The following ABCA1 variants were observed in gnomAD, a reference collection of about 807,000 sequenced individuals.
ABCA1 encodes the protein ATP binding cassette subfamily A member 1.
Under a neutral mutation model 262.5 loss-of-function variants are expected in ABCA1, and 133 were observed. The ratio of observed to expected loss-of-function variants is 0.51; its 90% CI spans 0.44 to 0.59. The LOEUF is 0.59. Ranked by LOEUF, ABCA1 falls within the 20% of genes least tolerant of loss-of-function variation. The pLI is 0.00. For missense variants in ABCA1, 2,452 were observed against 2,777.5 expected (o/e 0.88, Z 2.63); for synonymous variants, 1,022 against 1,043.5 (o/e 0.98, Z 0.40).
At chr9:104,870,439 G>C (rs547285628) in intron 5 of ABCA1, among the ~76,000 whole-genome samples, 1 of 152,214 alleles carries the variant, frequency 6.6e-6, no homozygotes, top group African/African-American at 2.4e-5. Flanking sequence ...GTCAGCACTG[G>C]AATCAGGGGT....
chr9:104,857,843 C>G (rs2253182), intron 7 of ABCA1, among the ~76,000 whole-genome samples: 63,648 of 151,882 alleles, frequency 0.42, 16,411 homozygotes, highest in African/African-American at 0.74. Context: ...TTTGGGGTAG[C>G]GAGAGGAATT....
intron 1 of ABCA1, among the ~76,000 whole-genome samples, chr9:104,918,179 G>A (rs1024064229): frequency 6.6e-6 from 1 of 152,080 alleles, no homozygotes; most frequent in African/African-American, 2.4e-5. Flanking sequence ...AATATGAGCA[G>A]AAGATCAAGT....
In ABCA1 at chr9:104,806,414, C is replaced by T; in HGVS notation, c.4291G>A (p.Ala1431Thr). The T allele has an allele frequency of 6.2e-7, 1 of 1,614,136 alleles. No individual in the cohort carries two copies. The highest frequency in any genetic ancestry group is 1.7e-5 in the Admixed American group (1 of 60,026). Residue 1431 changes from alanine to threonine, a missense_variant, in exon 31 of 50, where the codon GCA becomes ACA. Physicochemically the swap from Ala to Thr is moderately conservative, Grantham distance 58 (BLOSUM62 0). Coordinates refer to ENST00000374736, the MANE Select transcript of ABCA1 (RefSeq NM_005502.4). ...GCAGTGGTCCACTCTTCCTCCCCTG[C>T]CTGGCAGGGCGTGTCTCTGCAAAGG... Reference protein sequence around the residue: ...GNPIPDTPCQAGEEEWTTAPV... With the variant: ...GNPIPDTPCQTGEEEWTTAPV...
chr9:104,797,895 T>C (rs1406348170), intron 37 of ABCA1, among the ~76,000 whole-genome samples: 1 of 152,228 alleles, frequency 6.6e-6, no homozygotes, highest in Non-Finnish European at 1.5e-5. Context: ...TATTGTAAAG[T>C]AGAGTTGAAA....
At chr9:104,861,076 C>G (rs1052516514) in intron 6 of ABCA1, among the ~76,000 whole-genome samples, 1 of 152,176 alleles carries the variant, frequency 6.6e-6, no homozygotes, top group African/African-American at 2.4e-5. Flanking sequence ...TCCATCCCAC[C>G]TGAGCTTTGT....
intron 25 of ABCA1, among the ~76,000 whole-genome samples, chr9:104,815,303 C>T (rs1831644134): frequency 6.6e-6 from 1 of 152,226 alleles, no homozygotes; most frequent in Admixed American, 6.5e-5. Flanking sequence ...AAGGCCTCAC[C>T]TCCAGAAATT....
chr9:104,909,414 G>A (rs1379036420), intron 1 of ABCA1, among the ~76,000 whole-genome samples: 1 of 152,174 alleles, frequency 6.6e-6, no homozygotes, highest in Non-Finnish European at 1.5e-5. Flanking sequence ...AGGGGACAGA[G>A]AGTAACGGGG....
chr9:104,787,481 C>T (rs1055838542), intron 46 of ABCA1, among the ~76,000 whole-genome samples: 1 of 152,094 alleles, frequency 6.6e-6, no homozygotes, highest in African/African-American at 2.4e-5. Flanking sequence ...AACATCAATG[C>T]TCTTATCTAC....
intron 5 of ABCA1, among the ~76,000 whole-genome samples, chr9:104,877,296 G>A (rs1419768879): frequency 6.6e-6 from 1 of 152,208 alleles, no homozygotes; most frequent in East Asian, 1.9e-4. Flanking sequence ...GTGAAGTACA[G>A]GTATTTTATT....
At chr9:104,860,259 C>A (rs1836248091) in intron 6 of ABCA1, among the ~76,000 whole-genome samples, 1 of 152,066 alleles carries the variant, frequency 6.6e-6, no homozygotes, top group African/African-American at 2.4e-5. Context: ...CATCTCCATG[C>A]TTAGGATGCC....
At chr9:104,819,472 C>T (rs1032253182) in intron 22 of ABCA1, 114 bp downstream of exon 22, 2 of 1,450,732 alleles carry the variant, frequency 1.4e-6, no homozygotes, top group African/African-American at 1.4e-5. Context: ...TCTGTGATAA[C>T]AGAAGAGTAT....
chr9:104,831,665 T>C lies in ABCA1; in HGVS notation c.1672A>G (p.Met558Val), dbSNP rs1360528368. Reference protein sequence around the residue: ...LPHHVKYKIRMDIDNVERTNK... With the variant: ...LPHHVKYKIRVDIDNVERTNK... Reference sequence around the variant, plus strand: ...GTCCTCTCCACATTGTCAATGTCCATTCGGATCTTGTACTTGACATGATGG... The same window carrying C: ...GTCCTCTCCACATTGTCAATGTCCACTCGGATCTTGTACTTGACATGATGG... The change falls in exon 13 of 50, where the codon ATG becomes GTG. Residue 558 changes from methionine (M) to valine (V), a missense_variant. By Grantham distance (21) the Met-to-Val change is conservative (BLOSUM62 1). Around this residue, in one of 4 missense-constraint regions of ABCA1, gnomAD observed 1,032 missense variants for 1,089.7 expected, o/e 0.95. Coordinates refer to ENST00000374736, the MANE Select transcript of ABCA1 (RefSeq NM_005502.4). The C allele has an allele frequency of 6.2e-7, 1 of 1,614,202 alleles. No individual in the cohort carries two copies. The highest frequency in any genetic ancestry group is 1.1e-5 in the South Asian group (1 of 91,086).
At chr9:104,887,860 G>C (rs192208526) in intron 3 of ABCA1, among the ~76,000 whole-genome samples, 49 of 151,586 alleles carry the variant, frequency 3.2e-4, no homozygotes, top group African/African-American at 1.1e-3. Flanking sequence ...CCCAGTAGCT[G>C]GGATTACAGG....
At chr9:104,825,977 G>C (rs1832778528) in intron 16 of ABCA1, 90 bp from the exon 17 acceptor site, 3 of 1,381,276 alleles carry the variant, frequency 2.2e-6, no homozygotes, top group East Asian at 2.4e-5. Context: ...GGAGAAATTT[G>C]AATTTGCAAA....
chr9:104,903,489 G>T (rs1840834703), intron 2 of ABCA1, 125 bp downstream of exon 2: 2 of 1,030,612 alleles, frequency 1.9e-6, no homozygotes, highest in Admixed American at 2.0e-5. Context: ...ATAAGAGCCA[G>T]ATTCCATCAA....
intron 19 of ABCA1, 46 bp from the exon 20 acceptor site, chr9:104,821,552 C>G: frequency 6.2e-7 from 1 of 1,610,538 alleles, no homozygotes. Context: ...TTGACCTACC[C>G]TTAACTCTAG....
At position 104,913,835 on chromosome 9, in the gene ABCA1, G is replaced by C. The variant is rs566608640; in HGVS notation, c.-92-10064C>G. ...TATTTAGATGGAGTCTGGCTCTGTC[G>C]CCCAGGCTGGAGTGCAGTGGCGCGA... On this transcript the variant is annotated intron_variant, in intron 1 of 49. Transcript: ENST00000374736. Among the ~76,000 whole-genome samples, 113 of 151,834 alleles carry C rather than the reference G, an allele frequency of 7.4e-4. 1 individual carries two copies. The highest frequency in any genetic ancestry group is 2.4e-3 in the African/African-American group (101 of 41,420).
intron 7 of ABCA1, among the ~76,000 whole-genome samples, chr9:104,857,169 T>A (rs1303165430): frequency 6.6e-6 from 1 of 152,102 alleles, no homozygotes; most frequent in East Asian, 2.0e-4. Context: ...CTGGGCGTGG[T>A]GGCAGGTGCC....
At chr9:104,802,302 C>A (rs560181639) in intron 33 of ABCA1, 143 bp from the exon 34 acceptor site, 4 of 753,138 alleles carry the variant, frequency 5.3e-6, no homozygotes, top group Non-Finnish European at 9.5e-6. Flanking sequence ...AGAAGTTACA[C>A]GTCAGCTTCC....
Sources: gnomAD v4.1 joint callset for allele counts (sites outside exome capture counted in the v4.1 genomes callset) on GRCh38, gnomAD v4.1.1 for gene constraint, gnomAD v4.1.1 regional missense constraint, MANE v1.5 for transcripts, NCBI Gene and HGNC (gene_info 2026-07-23, HGNC 2026-07-21) for gene names.